Variants in NCK1 observed in about 807,000 individuals in gnomAD.
The protein encoded by NCK1 is NCK adaptor protein 1.
Under a neutral mutation model 36.6 loss-of-function variants are expected in NCK1, and 19 were observed. The ratio of observed to expected loss-of-function variants is 0.52; its 90% CI spans 0.36 to 0.76. The LOEUF (loss-of-function observed/expected upper bound fraction) is 0.76, where lower values mean the gene tolerates loss of function less well. Ranked by LOEUF, NCK1 falls within the 30% of genes least tolerant of loss-of-function variation. The probability of loss-of-function intolerance (pLI) is 0.00; values close to 1 mark genes in which losing one functional copy is unlikely to be tolerated. For missense variants in NCK1, 358 were observed against 445.6 expected, an observed-to-expected ratio of 0.80 and a Z score of 1.77; for synonymous variants, 165 against 156.0, an observed-to-expected ratio of 1.06 and a Z score of -0.43.
At chr3:136,937,048 C>G (rs1388185799) in intron 2 of NCK1, among the ~76,000 whole-genome samples, 2 of 152,116 alleles carry the variant, frequency 1.3e-5, no homozygotes, top group African/African-American at 2.4e-5. Context: ...ATTGCTAAAT[C>G]CAAGGTCACA....
chr3:136,889,565 G>A (rs1428183956), intron 1 of NCK1, among the ~76,000 whole-genome samples: 1 of 152,038 alleles, frequency 6.6e-6, no homozygotes, highest in Non-Finnish European at 1.5e-5. Flanking sequence ...TGCTGGCTCG[G>A]GCAGCCTGCT....
In NCK1 at chr3:136,946,100, C is replaced by T. The variant is rs146451247; in HGVS notation, c.744C>T (p.Thr248=). The change falls in exon 3 of 4, where the codon ACC becomes ACT. Residue 248 remains threonine (T), a synonymous_variant. Coordinates refer to ENST00000481752, the MANE Select transcript of NCK1 (RefSeq NM_001291999.2). The part of the protein sequence containing the change: ...MVGLVPKNYV[T]VMQNNPLTSG... ...GTCTAGTACCAAAAAACTATGTTAC[C>T]GTTATGCAGAATAATCCATTAACTT... 6.4e-5 allele frequency: 103 copies of T among 1,613,644 alleles called. No individual in the cohort carries two copies. The highest frequency in any genetic ancestry group is 1.2e-4 in the Admixed American group (7 of 59,938).
rs150868767 is a variant in NCK1, at chr3:136,941,943, A to G, written c.227-3640A>G. ...AACCTCCACCTCCCGGGTTCAAGCA[A>G]TTCTCCTGCCTCAGCTTCCCGAGTA... On this transcript the variant is annotated intron_variant, in intron 2 of 3. Transcript: ENST00000481752. 2.7e-3 allele frequency among the ~76,000 whole-genome samples: 405 copies of G among 152,172 alleles called. 2 individuals carry two copies. The highest frequency in any genetic ancestry group is 9.4e-3 in the African/African-American group (390 of 41,516).
At chr3:136,871,389 C>T (rs1018496006) in intron 1 of NCK1, among the ~76,000 whole-genome samples, 3 of 151,702 alleles carry the variant, frequency 2.0e-5, no homozygotes, top group African/African-American at 4.9e-5. Context: ...CAGAGCGAGA[C>T]GCTGTCTAAA....
At chr3:136,889,701 C>T (rs751726662) in intron 1 of NCK1, among the ~76,000 whole-genome samples, 1 of 152,114 alleles carries the variant, frequency 6.6e-6, no homozygotes, top group African/African-American at 2.4e-5. Flanking sequence ...CACCTCCCCA[C>T]CAGATTAGCT....
At chr3:136,895,329 A>G (rs992473943) in intron 1 of NCK1, among the ~76,000 whole-genome samples, 1 of 151,962 alleles carries the variant, frequency 6.6e-6, no homozygotes, top group Non-Finnish European at 1.5e-5. Flanking sequence ...TATTATATAT[A>G]TATATCATGT....
intron 1 of NCK1, among the ~76,000 whole-genome samples, chr3:136,911,500 C>A (rs1939826927): frequency 6.6e-6 from 1 of 152,164 alleles, no homozygotes; most frequent in Non-Finnish European, 1.5e-5. Flanking sequence ...TGATGCTGAG[C>A]ATTTTCTTAT....
chr3:136,909,361 C>T (rs551415747), intron 1 of NCK1, among the ~76,000 whole-genome samples: 1 of 152,158 alleles, frequency 6.6e-6, no homozygotes, highest in South Asian at 2.1e-4. Flanking sequence ...ACTGAAACAC[C>T]GTGTGAAAGG....
At chr3:136,869,344 C>T (rs1938540639) in intron 1 of NCK1, among the ~76,000 whole-genome samples, 2 of 152,000 alleles carry the variant, frequency 1.3e-5, no homozygotes, top group African/African-American at 2.4e-5. Flanking sequence ...CCCAGGAGTT[C>T]GAGACCAGCT....
chr3:136,928,122 G>C lies in NCK1; in HGVS notation c.121G>C (p.Val41Leu). 6.2e-7 allele frequency: 1 copy of C among 1,614,106 alleles called. No individual in the cohort carries two copies. The highest frequency in any genetic ancestry group is 8.5e-7 in the Non-Finnish European group (1 of 1,180,026). Residue 41 changes from valine (V) to leucine (L), a missense_variant, in exon 2 of 4, where the codon GTT (valine) becomes CTT (leucine). By Grantham distance (32) the Val-to-Leu change is conservative. Transcript: ENST00000481752. Reference sequence around the variant, plus strand: ...GGATGATTCTAAGTCCTGGTGGCGAGTTCGAAATTCCATGAATAAAACAGG... The same window carrying C: ...GGATGATTCTAAGTCCTGGTGGCGACTTCGAAATTCCATGAATAAAACAGG... The part of the protein sequence containing the change: ...LLDDSKSWWR[V>L]RNSMNKTGFV...
intron 1 of NCK1, among the ~76,000 whole-genome samples, chr3:136,902,476 C>A (rs577221624): frequency 1.3e-5 from 2 of 152,118 alleles, no homozygotes; most frequent in Admixed American, 1.3e-4. Context: ...ATTACAGGCG[C>A]GAGCTATCCC....
chr3:136,934,570 A>G lies in NCK1; in HGVS notation c.226+6343A>G, dbSNP rs561992913. ...CAAAGTGCTGGGATTACAGGTGTGCACCACCGCGCCTGTCCTGTTGTACAT... is the reference window on the plus strand; with the variant it reads ...CAAAGTGCTGGGATTACAGGTGTGCGCCACCGCGCCTGTCCTGTTGTACAT... On this transcript the variant is annotated intron_variant, in intron 2 of 3. Coordinates refer to ENST00000481752, the MANE Select transcript of NCK1 (RefSeq NM_001291999.2). Among the ~76,000 whole-genome samples, 6 of 152,018 alleles carry G rather than the reference A, an allele frequency of 3.9e-5. No homozygotes were observed. The South Asian group carries it at 1.2e-3, about 32-fold the overall frequency.
chr3:136,901,720 G>T lies in NCK1; in HGVS notation c.-18-26264G>T, dbSNP rs373775669. On this transcript the variant is annotated intron_variant, in intron 1 of 3. Coordinates refer to ENST00000481752, the MANE Select transcript of NCK1 (RefSeq NM_001291999.2). ...GTTCTTTTGTATTTCTGTGGAATTA[G>T]TTGTAATGTCTCTTTTCATTTTCTG... is the stretch of plus-strand genomic sequence containing the variant. Among the ~76,000 whole-genome samples, 165 of 152,202 alleles carry T rather than the reference G, an allele frequency of 1.1e-3. 1 individual carries two copies. In the Middle Eastern group the frequency reaches 0.017, roughly 16 times the overall value.
Position 136,945,680 on chromosome 3 carries a change from C to T in NCK1, c.324C>T (p.Asn108=), listed in dbSNP as rs981278927. Residue 108 remains asparagine, a synonymous_variant, in exon 3 of 4, where the codon AAC becomes AAT. Coordinates refer to ENST00000481752, the MANE Select transcript of NCK1 (RefSeq NM_001291999.2). The part of the protein sequence containing the change: ...VDPGERLYDL[N]MPAYVKFNYM... ...CAGGGGAACGTCTCTATGACCTCAA[C>T]ATGCCCGCTTATGTGAAATTTAACT... 1 of 1,614,102 alleles carries T rather than the reference C, an allele frequency of 6.2e-7. No homozygotes were observed. Among genetic ancestry groups the T allele is most frequent in the East Asian group, 2.2e-5 (1 of 44,872 alleles).
chr3:136,937,345 A>G (rs1940557996), intron 2 of NCK1, among the ~76,000 whole-genome samples: 1 of 152,098 alleles, frequency 6.6e-6, no homozygotes, highest in Admixed American at 6.5e-5. Flanking sequence ...TTCCAATACC[A>G]CACTGTTTTG....
intron 1 of NCK1, among the ~76,000 whole-genome samples, chr3:136,870,366 C>A (rs1268747526): frequency 7.0e-6 from 1 of 142,062 alleles, no homozygotes; most frequent in Non-Finnish European, 1.6e-5. Flanking sequence ...TCATCCTTTT[C>A]TTCCAAAAAT....
At chr3:136,867,776 G>A (rs34799319) in intron 1 of NCK1, among the ~76,000 whole-genome samples, 53,285 of 151,978 alleles carry the variant, frequency 0.35, 11,643 homozygotes, top group East Asian at 0.75. Context: ...TCTGACGCAA[G>A]TTCTGTGTGT....
chr3:136,866,901 C>T (rs1938429872), intron 1 of NCK1, among the ~76,000 whole-genome samples: 1 of 151,236 alleles, frequency 6.6e-6, no homozygotes, highest in African/African-American at 2.4e-5. Context: ...GCGTGAGCCA[C>T]TGTGCCCGTC....
intron 1 of NCK1, among the ~76,000 whole-genome samples, chr3:136,876,355 G>T (rs1314575494): frequency 1.3e-5 from 2 of 152,130 alleles, no homozygotes; most frequent in Non-Finnish European, 2.9e-5. Flanking sequence ...AAAAATCAAT[G>T]AATCCAGGAG....
Sources: allele counts gnomAD v4.1 joint callset (sites outside exome capture counted in the v4.1 genomes callset), GRCh38; gene constraint gnomAD v4.1.1; transcripts MANE v1.5; gene names NCBI Gene and HGNC (gene_info 2026-07-23, HGNC 2026-07-21).